The following ZNF385D variants were observed in gnomAD, a reference collection of about 807,000 sequenced individuals.
ZNF385D encodes zinc finger protein 385D.
ZNF385D carries 15 observed loss-of-function variants against 35.8 expected under a neutral mutation model. The ratio of observed to expected loss-of-function variants is 0.42; its 90% confidence interval spans 0.28 to 0.64. The LOEUF is 0.64. Ranked by LOEUF, ZNF385D falls within the 30% of genes least tolerant of loss-of-function variation. The pLI is 0.23. For missense variants in ZNF385D, 474 were observed against 494.6 expected (o/e 0.96, Z 0.39); for synonymous variants, 212 against 186.8 (o/e 1.13, Z -1.10).
chr3:21,715,299 G>A (rs1284051489), intron 1 of ZNF385D, among the ~76,000 whole-genome samples: 1 of 151,856 alleles, frequency 6.6e-6, no homozygotes, highest in African/African-American at 2.4e-5. Context: ...CTATACCAAT[G>A]GTGTTCACCT....
At chr3:21,679,376 T>A (rs1457539310) in intron 1 of ZNF385D, among the ~76,000 whole-genome samples, 1 of 152,154 alleles carries the variant, frequency 6.6e-6, no homozygotes, top group Non-Finnish European at 1.5e-5. Context: ...GTATATCTCT[T>A]ATGATACTTA....
chr3:21,851,669 A>G (rs1250274475), intron 3 of ZNF385D, among the ~76,000 whole-genome samples: 3 of 152,068 alleles, frequency 2.0e-5, no homozygotes, highest in Non-Finnish European at 4.4e-5. Flanking sequence ...TTAAAAGAAC[A>G]TAAAATGATA....
chr3:21,982,086 T>TG (rs1180853706), intron 3 of ZNF385D, among the ~76,000 whole-genome samples: 1 of 151,120 alleles, frequency 6.6e-6, no homozygotes, highest in African/African-American at 2.4e-5. Flanking sequence ...ATAGTTTTTT[T>TG]TTTTTTTTTT....
chr3:22,160,588 G>A (rs1299345711), intron 3 of ZNF385D, among the ~76,000 whole-genome samples: 1 of 152,052 alleles, frequency 6.6e-6, no homozygotes, highest in Non-Finnish European at 1.5e-5. Flanking sequence ...AGATCAGTGA[G>A]AACTAGAAAT....
At chr3:21,554,298 C>T (rs553806251) in intron 3 of ZNF385D, among the ~76,000 whole-genome samples, 17 of 152,200 alleles carry the variant, frequency 1.1e-4, no homozygotes, top group African/African-American at 3.1e-4. Context: ...TCAGAGCTCT[C>T]GGGTTATGAG....
chr3:21,857,708 C>T (rs1477098627), intron 3 of ZNF385D, among the ~76,000 whole-genome samples: 1 of 151,862 alleles, frequency 6.6e-6, no homozygotes, highest in African/African-American at 2.4e-5. Context: ...AGTCTGTTGC[C>T]TCCTGCCCTT....
At chr3:22,206,928 T>C (rs1381789662) in intron 2 of ZNF385D, among the ~76,000 whole-genome samples, 3 of 151,640 alleles carry the variant, frequency 2.0e-5, no homozygotes, top group Non-Finnish European at 2.9e-5. Flanking sequence ...TAGAAATAAA[T>C]GAAATTGAAA....
intron 2 of ZNF385D, among the ~76,000 whole-genome samples, chr3:21,581,535 G>C (rs1217731619): frequency 1.3e-5 from 2 of 152,066 alleles, no homozygotes; most frequent in African/African-American, 4.8e-5. Flanking sequence ...GCTCAATAAA[G>C]ATTTATTGTT....
At chr3:22,037,242 G>A (rs1048322326) in intron 3 of ZNF385D, among the ~76,000 whole-genome samples, 1 of 138,864 alleles carries the variant, frequency 7.2e-6, no homozygotes, top group African/African-American at 2.6e-5. Context: ...TGGGATGGCT[G>A]GGTCAAATGG....
intron 2 of ZNF385D, among the ~76,000 whole-genome samples, chr3:21,592,682 C>T (rs1338684068): frequency 1.3e-5 from 2 of 152,134 alleles, no homozygotes; most frequent in South Asian, 2.1e-4. Context: ...CAAATCAGAT[C>T]GTTTAGAGGA....
chr3:21,797,658 CA>C, intron 3 of ZNF385D, among the ~76,000 whole-genome samples: 1 of 152,190 alleles, frequency 6.6e-6, no homozygotes, highest in South Asian at 2.1e-4. Context: ...GAATATCAGT[CA>C]AAGCCAAAAA....
rs535904413 is a variant in ZNF385D, at chr3:22,243,532, G to C, written c.107-74497C>G. On this transcript the variant is annotated intron_variant, in intron 2 of 5. Transcript: ENST00000494108. ...GCAAGGGAATAAGATGCTAAATACT[G>C]TGTTTTGAAAGTGGGGTACATTTAG... Among the ~76,000 whole-genome samples the C allele has an allele frequency of 2.6e-5, 4 of 151,144 alleles. No individual in the cohort carries two copies. The East Asian group carries it at 7.8e-4, about 30-fold the overall frequency.
chr3:21,477,796 A>G (rs1280017313), intron 4 of ZNF385D, among the ~76,000 whole-genome samples: 4 of 152,188 alleles, frequency 2.6e-5, no homozygotes, highest in South Asian at 2.1e-4. Context: ...TTTTCTTTAA[A>G]TGATTTCACA....
intron 3 of ZNF385D, among the ~76,000 whole-genome samples, chr3:21,759,523 G>T (rs545507875): frequency 2.0e-5 from 3 of 152,270 alleles, no homozygotes; most frequent in Admixed American, 6.5e-5. Flanking sequence ...GTACTTCCAA[G>T]TATTTCCAAG....
At chr3:22,251,826 C>T (rs185823110) in intron 2 of ZNF385D, among the ~76,000 whole-genome samples, 48 of 152,166 alleles carry the variant, frequency 3.2e-4, no homozygotes, top group African/African-American at 1.1e-3. Context: ...TTTAGGTTCA[C>T]TTCAGTCACT....
At chr3:21,883,976 A>G (rs763864681) in intron 3 of ZNF385D, among the ~76,000 whole-genome samples, 11 of 152,092 alleles carry the variant, frequency 7.2e-5, no homozygotes, top group East Asian at 1.9e-4. Context: ...TTTGTGCACC[A>G]TTTTGTGATA....
chr3:21,432,070 G>C (rs900833106), intron 5 of ZNF385D, among the ~76,000 whole-genome samples: 1 of 152,186 alleles, frequency 6.6e-6, no homozygotes, highest in African/African-American at 2.4e-5. Flanking sequence ...TAAAAAGAAA[G>C]TTATGAGCTC....
intron 2 of ZNF385D, among the ~76,000 whole-genome samples, chr3:22,277,944 T>C (rs1035850148): frequency 2.6e-5 from 4 of 152,096 alleles, no homozygotes; most frequent in African/African-American, 9.7e-5. Flanking sequence ...CTCTCTAAAA[T>C]ATGTTTAGTA....
chr3:22,118,279 C>A (rs991721885), intron 3 of ZNF385D, among the ~76,000 whole-genome samples: 13 of 152,036 alleles, frequency 8.6e-5, no homozygotes, highest in African/African-American at 3.1e-4. Context: ...GAGAAAATAA[C>A]TTTAGTTTGG....
Sources: allele counts gnomAD v4.1 joint callset (sites outside exome capture counted in the v4.1 genomes callset), GRCh38; gene constraint gnomAD v4.1.1; transcripts MANE v1.5; gene names NCBI Gene and HGNC (gene_info 2026-07-23, HGNC 2026-07-21).